NPAS3: variants seen among roughly 807,000 people sequenced by gnomAD.
NPAS3 encodes neuronal PAS domain protein 3.
Under a neutral mutation model 73.1 loss-of-function variants are expected in NPAS3, and 14 were observed. That is an observed-to-expected ratio of 0.19 (90% CI 0.13 to 0.30). NPAS3 has a LOEUF of 0.30. Ranked by LOEUF, NPAS3 falls within the 10% of genes least tolerant of loss-of-function variation. NPAS3 has a pLI of 1.00. For synonymous variants in NPAS3, 620 were observed against 541.5 expected, an observed-to-expected ratio of 1.14 and a Z score of -2.01; for missense variants, 1,096 against 1,250.0, an observed-to-expected ratio of 0.88 and a Z score of 1.86.
intron 4 of NPAS3, among the ~76,000 whole-genome samples, chr14:33,498,935 A>AGTGTGTGTGTGTGT (rs3058422): frequency 5.3e-5 from 5 of 94,902 alleles, no homozygotes; most frequent in Admixed American, 1.0e-4. Flanking sequence ...ACAGAGAGAG[A>AGTGTGTGTGTGTGT]GTGTGTGTGT....
At chr14:33,200,507 C>T (rs1452918971) in intron 2 of NPAS3, among the ~76,000 whole-genome samples, 1 of 152,080 alleles carries the variant, frequency 6.6e-6, no homozygotes, top group Non-Finnish European at 1.5e-5. Flanking sequence ...AAGCTTCATA[C>T]CCATACCTTT....
chr14:33,293,541 G>A (rs933581231), intron 3 of NPAS3, among the ~76,000 whole-genome samples: 1 of 152,288 alleles, frequency 6.6e-6, no homozygotes, highest in African/African-American at 2.4e-5. Context: ...ATGGTAACCA[G>A]TTTTTCCTTG....
chr14:33,220,408 T>G (rs1280978172), intron 3 of NPAS3, among the ~76,000 whole-genome samples: 3 of 152,220 alleles, frequency 2.0e-5, no homozygotes, highest in Admixed American at 2.0e-4. Context: ...TGTATTTGCC[T>G]TTACTTAGGT....
intron 4 of NPAS3, among the ~76,000 whole-genome samples, chr14:33,441,899 A>T (rs1225608372): frequency 1.3e-5 from 2 of 151,590 alleles, no homozygotes; most frequent in East Asian, 3.9e-4. Flanking sequence ...CATGGGAAAG[A>T]CCCTCCCCCA....
intron 2 of NPAS3, among the ~76,000 whole-genome samples, chr14:33,115,110 C>T (rs2043018043): frequency 6.6e-6 from 1 of 152,022 alleles, no homozygotes; most frequent in Non-Finnish European, 1.5e-5. Context: ...TATTGCAAGC[C>T]AGTCTTTGTT....
intron 2 of NPAS3, chr14:33,214,705 C>T (rs79038172): frequency 0.013 from 1,987 of 154,508 alleles, 44 homozygotes; most frequent in African/African-American, 0.044. Flanking sequence ...TCGTGTTTAC[C>T]TTCTGCTCCC....
chr14:33,370,833 C>T (rs2046055780), intron 4 of NPAS3, among the ~76,000 whole-genome samples: 1 of 152,126 alleles, frequency 6.6e-6, no homozygotes, highest in African/African-American at 2.4e-5. Context: ...CACAAGTTTT[C>T]TAGTTTGGCT....
chr14:33,214,440 A>G (rs541246694), intron 2 of NPAS3: 4 of 152,340 alleles, frequency 2.6e-5, no homozygotes, highest in East Asian at 1.9e-4. Flanking sequence ...ATCTTTCAAT[A>G]TTAAATTTAT....
chr14:33,753,812 C>T (rs904831236), intron 7 of NPAS3, among the ~76,000 whole-genome samples: 2 of 152,116 alleles, frequency 1.3e-5, no homozygotes, highest in Admixed American at 1.3e-4. Flanking sequence ...TTCCCTCCCA[C>T]CAAAGTATGG....
At chr14:33,666,560 T>C (rs1261360333) in intron 5 of NPAS3, among the ~76,000 whole-genome samples, 6 of 152,206 alleles carry the variant, frequency 3.9e-5, no homozygotes, top group Non-Finnish European at 8.8e-5. Context: ...TTTAAGGAAA[T>C]CCTAAAGGAT....
chr14:33,258,874 C>T (rs1404002048), intron 3 of NPAS3, among the ~76,000 whole-genome samples: 2 of 152,124 alleles, frequency 1.3e-5, no homozygotes, highest in Admixed American at 1.3e-4. Context: ...AGTGCAGTGG[C>T]GTGATCCCTG....
chr14:32,952,147 A>G (rs1471117970), intron 1 of NPAS3, among the ~76,000 whole-genome samples: 1 of 152,080 alleles, frequency 6.6e-6, no homozygotes, highest in Admixed American at 6.6e-5. Context: ...CATCCCTATA[A>G]CTATGTAGTT....
At chr14:33,570,021 A>T (rs1350323745) in intron 5 of NPAS3, among the ~76,000 whole-genome samples, 2 of 152,176 alleles carry the variant, frequency 1.3e-5, no homozygotes, top group Admixed American at 1.3e-4. Context: ...TACAATACAG[A>T]TGGGGTATTT....
chr14:32,975,315 T>C (rs933142253), intron 1 of NPAS3, among the ~76,000 whole-genome samples: 1 of 149,938 alleles, frequency 6.7e-6, no homozygotes, highest in Admixed American at 6.6e-5. Flanking sequence ...CCTGCCTCCG[T>C]CACTCCCTGC....
intron 5 of NPAS3, among the ~76,000 whole-genome samples, chr14:33,619,858 C>T (rs1333024661): frequency 6.6e-6 from 1 of 152,160 alleles, no homozygotes; most frequent in Non-Finnish European, 1.5e-5. Context: ...CAGAAGAAAT[C>T]TTATCACATG....
intron 5 of NPAS3, among the ~76,000 whole-genome samples, chr14:33,597,536 A>G (rs1420318318): frequency 6.6e-6 from 1 of 152,230 alleles, no homozygotes; most frequent in East Asian, 1.9e-4. Flanking sequence ...AAGTCAGTTG[A>G]TTTAGAAACA....
At chr14:33,411,066 T>C (rs2047901682) in intron 4 of NPAS3, among the ~76,000 whole-genome samples, 1 of 152,248 alleles carries the variant, frequency 6.6e-6, no homozygotes, top group African/African-American at 2.4e-5. Flanking sequence ...CAATGCCCTG[T>C]CAACTGTAGC....
intron 4 of NPAS3, among the ~76,000 whole-genome samples, chr14:33,467,995 A>G (rs747573266): frequency 2.6e-5 from 4 of 152,202 alleles, no homozygotes; most frequent in Non-Finnish European, 5.9e-5. Flanking sequence ...CCCTTAAACT[A>G]GAACTGTGGG....
chr14:33,200,881 C>T (rs1839543212), intron 2 of NPAS3, among the ~76,000 whole-genome samples: 1 of 152,174 alleles, frequency 6.6e-6, no homozygotes, highest in Non-Finnish European at 1.5e-5. Flanking sequence ...ATCATGCTTG[C>T]ACTGCTTTCT....
Sources: gnomAD v4.1 joint callset for allele counts (sites outside exome capture counted in the v4.1 genomes callset) on GRCh38, gnomAD v4.1.1 for gene constraint, MANE v1.5 for transcripts, NCBI Gene and HGNC (gene_info 2026-07-23, HGNC 2026-07-21) for gene names.